LRRC1: variants seen among roughly 807,000 people sequenced by gnomAD.
The protein encoded by LRRC1 is leucine-rich repeat-containing protein 1.
LRRC1 carries 28 observed loss-of-function variants against 69.9 expected under a neutral mutation model. The ratio of observed to expected loss-of-function variants is 0.40; its 90% CI spans 0.30 to 0.55. LRRC1 has a LOEUF of 0.55. LRRC1 is among the 20% of genes least tolerant of loss of function. LRRC1 has a pLI of 0.47. For missense variants in LRRC1, 498 were observed against 609.0 expected, an observed-to-expected ratio of 0.82 and a Z score of 1.92; for synonymous variants, 236 against 240.2, an observed-to-expected ratio of 0.98 and a Z score of 0.16.
At chr6:53,822,533 G>T (rs1045856222) in intron 1 of LRRC1, among the ~76,000 whole-genome samples, 12 of 152,180 alleles carry the variant, frequency 7.9e-5, no homozygotes, top group South Asian at 2.1e-4. Flanking sequence ...CTTACTAAAG[G>T]TTGTTGGGGA....
chr6:53,899,965 C>T, intron 8 of LRRC1, 74 bp downstream of exon 8: 1 of 1,361,894 alleles, frequency 7.3e-7, no homozygotes, highest in South Asian at 1.4e-5. Context: ...ACACTTTGAT[C>T]CTTTGGTCAC....
chr6:53,857,544 G>C (rs1389164390), intron 2 of LRRC1, among the ~76,000 whole-genome samples: 1 of 152,182 alleles, frequency 6.6e-6, no homozygotes, highest in South Asian at 2.1e-4. Context: ...AGAAACTTGA[G>C]TAAGAGACTG....
intron 1 of LRRC1, among the ~76,000 whole-genome samples, chr6:53,795,725 C>T (rs914252829): frequency 1.3e-5 from 2 of 152,188 alleles, no homozygotes; most frequent in African/African-American, 4.8e-5. Flanking sequence ...CACTTGTGCC[C>T]GGTCAGGTGA....
intron 3 of LRRC1, among the ~76,000 whole-genome samples, chr6:53,881,393 TC>T (rs1767288336): frequency 6.6e-6 from 1 of 152,212 alleles, no homozygotes; most frequent in South Asian, 2.1e-4. Context: ...CCTATTTAAA[TC>T]AAAACTATAT....
chr6:53,813,970 G>A (rs1764875899), intron 1 of LRRC1, among the ~76,000 whole-genome samples: 1 of 152,186 alleles, frequency 6.6e-6, no homozygotes, highest in Non-Finnish European at 1.5e-5. Context: ...AGCTCCTTCT[G>A]AAACCCTTGC....
intron 1 of LRRC1, among the ~76,000 whole-genome samples, chr6:53,809,252 T>C (rs1764722854): frequency 6.6e-6 from 1 of 152,256 alleles, no homozygotes; most frequent in African/African-American, 2.4e-5. Flanking sequence ...CTAATGTGCT[T>C]TCTGGAACTA....
intron 2 of LRRC1, among the ~76,000 whole-genome samples, chr6:53,850,939 G>A (rs1360169226): frequency 6.6e-6 from 1 of 152,114 alleles, no homozygotes; most frequent in Non-Finnish European, 1.5e-5. Flanking sequence ...TGCCAACAAG[G>A]TAGTGTACAC....
At chr6:53,842,038 C>A in intron 1 of LRRC1, 72 bp from the exon 2 acceptor site, 1 of 921,632 alleles carries the variant, frequency 1.1e-6, no homozygotes, top group Non-Finnish European at 1.7e-6. Flanking sequence ...CATTGTTTTA[C>A]ATTTCATAGT....
chr6:53,873,092 A>G (rs1766948635), intron 2 of LRRC1, among the ~76,000 whole-genome samples: 1 of 151,906 alleles, frequency 6.6e-6, no homozygotes, highest in African/African-American at 2.4e-5. Flanking sequence ...AGCACAGTAT[A>G]TCTTTCCATT....
chr6:53,830,688 G>A (rs990198168), intron 1 of LRRC1, among the ~76,000 whole-genome samples: 2 of 151,786 alleles, frequency 1.3e-5, no homozygotes, highest in Non-Finnish European at 2.9e-5. Context: ...TTATTTTCAG[G>A]GTGCAAGACT....
intron 1 of LRRC1, among the ~76,000 whole-genome samples, chr6:53,831,813 C>T (rs1014752930): frequency 2.6e-5 from 4 of 152,040 alleles, no homozygotes; most frequent in Non-Finnish European, 5.9e-5. Flanking sequence ...TGCTTGCTGT[C>T]CAGAAACATC....
chr6:53,813,766 G>A (rs1158097552), intron 1 of LRRC1, among the ~76,000 whole-genome samples: 5 of 152,068 alleles, frequency 3.3e-5, no homozygotes, highest in African/African-American at 9.7e-5. Context: ...GGTGAAGTGG[G>A]GAGGTGATTT....
intron 1 of LRRC1, among the ~76,000 whole-genome samples, chr6:53,839,124 C>G (rs1384181760): frequency 6.6e-6 from 1 of 151,562 alleles, no homozygotes; most frequent in Non-Finnish European, 1.5e-5. Flanking sequence ...AATCATTTTT[C>G]TTATTTGAAA....
chr6:53,830,647 A>G (rs958822752), intron 1 of LRRC1, among the ~76,000 whole-genome samples: 4 of 152,014 alleles, frequency 2.6e-5, no homozygotes, highest in Non-Finnish European at 5.9e-5. Flanking sequence ...TGAATGTAGT[A>G]TGTGTGAGAA....
At chr6:53,855,077 A>C (rs1245446682) in intron 2 of LRRC1, among the ~76,000 whole-genome samples, 3 of 152,210 alleles carry the variant, frequency 2.0e-5, no homozygotes, top group Admixed American at 6.5e-5. Context: ...GCAGTTTCAA[A>C]GTCTTTACCT....
At chr6:53,901,113 A>T (rs1013613937) in intron 8 of LRRC1, among the ~76,000 whole-genome samples, 1 of 152,162 alleles carries the variant, frequency 6.6e-6, no homozygotes, top group Admixed American at 6.5e-5. Context: ...GGTTGTAGAG[A>T]CTGGGCATGT....
At chr6:53,893,787 C>T (rs1270476894) in intron 4 of LRRC1, among the ~76,000 whole-genome samples, 2 of 152,016 alleles carry the variant, frequency 1.3e-5, no homozygotes, top group African/African-American at 4.8e-5. Context: ...TTACTTCCCC[C>T]AAACAGTAGA....
At chr6:53,804,970 A>T (rs904928268) in intron 1 of LRRC1, among the ~76,000 whole-genome samples, 3 of 152,262 alleles carry the variant, frequency 2.0e-5, no homozygotes, top group African/African-American at 7.2e-5. Flanking sequence ...GATTCTTGAC[A>T]CCCAAGTCCT....
chr6:53,851,773 G>A (rs928561949), intron 2 of LRRC1, among the ~76,000 whole-genome samples: 1 of 152,078 alleles, frequency 6.6e-6, no homozygotes, highest in Admixed American at 6.6e-5. Context: ...ACTTCCTAGT[G>A]AGTAACATGT....
Sources: gnomAD v4.1 joint callset for allele counts (sites outside exome capture counted in the v4.1 genomes callset) on GRCh38, gnomAD v4.1.1 for gene constraint, MANE v1.5 for transcripts, NCBI Gene and HGNC (gene_info 2026-07-23, HGNC 2026-07-21) for gene names.